Variants in FHAD1 observed in about 807,000 individuals in gnomAD.
The protein encoded by FHAD1 is forkhead-associated domain-containing protein 1.
A neutral mutation model predicts 191.3 loss-of-function variants in FHAD1; 146 were observed. The observed-to-expected ratio is 0.76, with a 90% CI of 0.67 to 0.88. FHAD1 has a LOEUF of 0.88. FHAD1 is among the 40% of genes least tolerant of loss of function. FHAD1 has a pLI of 0.00. For missense variants in FHAD1, 1,635 were observed against 1,785.8 expected, an observed-to-expected ratio of 0.92 and a Z score of 1.52; for synonymous variants, 616 against 672.3, an observed-to-expected ratio of 0.92 and a Z score of 1.29.
At chr1:15,337,850 A>G (rs562687110) in intron 14 of FHAD1, among the ~76,000 whole-genome samples, 1 of 152,034 alleles carries the variant, frequency 6.6e-6, no homozygotes, top group South Asian at 2.1e-4. Flanking sequence ...CTCGAGTCAC[A>G]CCAATTAGTC....
intron 10 of FHAD1, among the ~76,000 whole-genome samples, chr1:15,323,226 G>A (rs1032779367): frequency 5.3e-5 from 8 of 152,214 alleles, no homozygotes; most frequent in African/African-American, 1.9e-4. Flanking sequence ...ATCTCTGACA[G>A]CTGGTGCCAA....
At chr1:15,392,782 C>A (rs1194912198) in intron 33 of FHAD1, among the ~76,000 whole-genome samples, 1 of 152,148 alleles carries the variant, frequency 6.6e-6, no homozygotes, top group Non-Finnish European at 1.5e-5. Flanking sequence ...CTCCAAAATA[C>A]CATTCACTGA....
At chr1:15,361,803 G>A (rs544511452) in intron 22 of FHAD1, among the ~76,000 whole-genome samples, 2 of 151,870 alleles carry the variant, frequency 1.3e-5, no homozygotes, top group Middle Eastern at 3.4e-3. Context: ...CCAAGAGATC[G>A]AGACCATCCT....
chr1:15,359,747 G>A (rs1431301706), intron 21 of FHAD1, among the ~76,000 whole-genome samples: 2 of 152,090 alleles, frequency 1.3e-5, no homozygotes, highest in Non-Finnish European at 2.9e-5. Context: ...TCAAGAGATC[G>A]AGACCATCCT....
intron 5 of FHAD1, among the ~76,000 whole-genome samples, chr1:15,300,230 T>C (rs1405798035): frequency 6.6e-6 from 1 of 152,232 alleles, no homozygotes; most frequent in Non-Finnish European, 1.5e-5. Context: ...ACGGTGCTTT[T>C]TCTTTTGGAG....
chr1:15,388,646 A>G (rs1321924138), intron 32 of FHAD1, among the ~76,000 whole-genome samples: 1 of 151,928 alleles, frequency 6.6e-6, no homozygotes, highest in East Asian at 1.9e-4. Flanking sequence ...TGCCTCGCAT[A>G]AGCACTTCTA....
At chr1:15,390,922 C>A (rs1266477258) in intron 32 of FHAD1, among the ~76,000 whole-genome samples, 2 of 152,142 alleles carry the variant, frequency 1.3e-5, no homozygotes, top group African/African-American at 4.8e-5. Flanking sequence ...TTGTTCCTCA[C>A]AGGCCCTGGG....
Position 15,329,336 on chromosome 1 carries a change from C to T in FHAD1, c.1711-10C>T. Reference sequence around the variant, plus strand: ...GGGCCTGGGCTCCTCATGATCTCACCTCTTTGCAGGCTTGCATGAAAATAT... The same window carrying T: ...GGGCCTGGGCTCCTCATGATCTCACTTCTTTGCAGGCTTGCATGAAAATAT... On this transcript the variant is annotated splice_polypyrimidine_tract_variant and intron_variant, in intron 13 of 33. Coordinates refer to ENST00000688493, the MANE Select transcript of FHAD1 (RefSeq NM_001391957.1). The surrounding 1 kb of genome is among the most constrained non-coding windows in gnomAD (Gnocchi z 5.0). 1.3e-6 allele frequency: 2 copies of T among 1,535,526 alleles called. No individual in the cohort carries two copies. Among genetic ancestry groups the T allele is most frequent in the Non-Finnish European group, 1.8e-6 (2 of 1,134,650 alleles).
At chr1:15,370,816 C>G (rs979403365) in intron 26 of FHAD1, among the ~76,000 whole-genome samples, 1 of 152,148 alleles carries the variant, frequency 6.6e-6, no homozygotes, top group African/African-American at 2.4e-5. Flanking sequence ...TTCCCCAGGG[C>G]TTTTTGAGCC....
At chr1:15,285,125 A>G (rs1478294265) in intron 3 of FHAD1, among the ~76,000 whole-genome samples, 2 of 152,178 alleles carry the variant, frequency 1.3e-5, no homozygotes, top group African/African-American at 4.8e-5. Flanking sequence ...TGTAGTTACC[A>G]GCAGCAATTT....
chr1:15,380,073 A>G lies in FHAD1; in HGVS notation c.3706-628A>G, dbSNP rs551972501. 3.1e-3 allele frequency among the ~76,000 whole-genome samples: 467 copies of G among 152,252 alleles called. 6 individuals are homozygous for G. The highest frequency in any genetic ancestry group is 0.01 in the Middle Eastern group (3 of 294). On this transcript the variant is annotated intron_variant, in intron 28 of 33. Coordinates refer to ENST00000688493, the MANE Select transcript of FHAD1 (RefSeq NM_001391957.1). ...CGTGAAAATGGCATTCCTTTAATAA[A>G]AGGAGGGGGGATGTTTTCTATTTAA...
chr1:15,327,046 C>G lies in FHAD1; in HGVS notation c.1474-13C>G, dbSNP rs938527657. 6.0e-5 allele frequency: 93 copies of G among 1,545,500 alleles called. No homozygotes were observed. Among genetic ancestry groups the G allele is most frequent in the Non-Finnish European group, 7.5e-5 (86 of 1,141,552 alleles). On this transcript the variant is annotated splice_polypyrimidine_tract_variant and intron_variant, in intron 11 of 33. Coordinates refer to ENST00000688493, the MANE Select transcript of FHAD1 (RefSeq NM_001391957.1). The surrounding 1 kb of genome is among the most constrained non-coding windows in gnomAD (Gnocchi z 5.1). ...GCTGACCCCCTGACACTGTTGCCCC[C>G]TCTCTGCTGCAGCTGGAGCACTTCA...
intron 2 of FHAD1, among the ~76,000 whole-genome samples, chr1:15,266,493 C>G (rs151018570): frequency 0.012 from 1,764 of 152,026 alleles, 17 homozygotes; most frequent in South Asian, 0.024. Flanking sequence ...ACCCCTCCCC[C>G]ACAACACTCA....
Position 15,381,660 on chromosome 1 carries a change from C to T in FHAD1, c.4022+209C>T, listed in dbSNP as rs991424434. ...CCGAGATCACGGCTGCAGAAGTGCA[C>T]GGTTTCCCCATTCTGTGAACTATTT... On this transcript the variant is annotated intron_variant, in intron 30 of 33. Transcript: ENST00000688493. The surrounding 1 kb of genome is among the most constrained non-coding windows in gnomAD (Gnocchi z 4.6). Among the ~76,000 whole-genome samples, 3 of 152,050 alleles carry T rather than the reference C, an allele frequency of 2.0e-5. No homozygotes were observed. The highest frequency in any genetic ancestry group is 6.6e-5 in the Admixed American group (1 of 15,262).
intron 23 of FHAD1, among the ~76,000 whole-genome samples, chr1:15,365,257 C>T (rs372290599): frequency 6.6e-6 from 1 of 152,200 alleles, no homozygotes; most frequent in African/African-American, 2.4e-5. Context: ...GGGTATCAGT[C>T]TCATGCAAGG....
chr1:15,392,543 A>C (rs1041635252), intron 33 of FHAD1, among the ~76,000 whole-genome samples: 3 of 151,744 alleles, frequency 2.0e-5, no homozygotes, highest in African/African-American at 7.3e-5. Flanking sequence ...AAAAAAAAAA[A>C]GTTTCCTCCA....
intron 33 of FHAD1, 118 bp downstream of exon 33, chr1:15,391,381 T>C: frequency 2.0e-6 from 1 of 509,102 alleles, no homozygotes; most frequent in East Asian, 7.3e-5. Context: ...AGTGGCTAGT[T>C]CTGTGGTTTC....
intron 27 of FHAD1, 144 bp downstream of exon 27, chr1:15,374,775 AC>A (rs1699083683): frequency 9.6e-7 from 1 of 1,046,414 alleles, no homozygotes; most frequent in Non-Finnish European, 1.4e-6. Flanking sequence ...AGATGGGCAG[AC>A]CATGATCTCA....
chr1:15,359,891 A>G (rs1694146441), intron 21 of FHAD1, among the ~76,000 whole-genome samples: 1 of 152,158 alleles, frequency 6.6e-6, no homozygotes, highest in Non-Finnish European at 1.5e-5. Context: ...CGGAGCTTGC[A>G]GTGAGCCGAG....
Sources: allele counts gnomAD v4.1 joint callset (sites outside exome capture counted in the v4.1 genomes callset), GRCh38; gene constraint gnomAD v4.1.1; non-coding constraint Gnocchi (gnomAD v3.1); transcripts MANE v1.5; gene names NCBI Gene and HGNC (gene_info 2026-07-23, HGNC 2026-07-21).